The following IL1RAPL2 variants were observed in gnomAD, a reference collection of about 807,000 sequenced individuals.
IL1RAPL2 encodes the protein X-linked interleukin-1 receptor accessory protein-like 2.
Under a neutral mutation model 44.1 loss-of-function variants are expected in IL1RAPL2, and 3 were observed. That is an observed-to-expected ratio of 0.07 (90% CI 0.03 to 0.18). The LOEUF (loss-of-function observed/expected upper bound fraction) is 0.18, where lower values mean the gene tolerates loss of function less well. Among genes scored for constraint, IL1RAPL2 ranks in the 10% least tolerant of loss-of-function variants. The pLI is 1.00. For missense variants in IL1RAPL2, 391 were observed against 496.4 expected (o/e 0.79, Z 2.02); for synonymous variants, 181 against 178.8 (o/e 1.01, Z -0.10).
intron 6 of IL1RAPL2, among the ~76,000 whole-genome samples, chrX:105,502,593 G>A (rs747415285): frequency 4.5e-5 from 5 of 111,527 alleles, no homozygotes; most frequent in Non-Finnish European, 9.4e-5. Context: ...TTATTCAGCA[G>A]CCACATCACA....
chrX:105,243,515 C>T (rs1391775786), intron 4 of IL1RAPL2, among the ~76,000 whole-genome samples: 2 of 101,993 alleles, frequency 2.0e-5, no homozygotes, highest in Non-Finnish European at 3.9e-5. Context: ...AGCAGATATC[C>T]CTACAAATGG....
chrX:105,730,238 C>CT (rs1240541427), intron 7 of IL1RAPL2, among the ~76,000 whole-genome samples: 22 of 110,600 alleles, frequency 2.0e-4, no homozygotes, highest in Non-Finnish European at 3.8e-4. Flanking sequence ...ATAAAACAGA[C>CT]TTTAAGTCAA....
At chrX:105,469,612 G>A (rs765634279) in intron 5 of IL1RAPL2, among the ~76,000 whole-genome samples, 4 of 110,419 alleles carry the variant, frequency 3.6e-5, no homozygotes, top group Admixed American at 9.8e-5. Context: ...GAAGACTAGA[G>A]TCTTTGTAAT....
chrX:104,711,871 T>C (rs1166364892), intron 2 of IL1RAPL2, among the ~76,000 whole-genome samples: 2 of 110,666 alleles, frequency 1.8e-5, no homozygotes, highest in African/African-American at 6.5e-5. Flanking sequence ...AGTACTTCAC[T>C]GTGCAAAATA....
At position 105,426,200 on chromosome X, in the gene IL1RAPL2, G is replaced by A. The variant is rs767077949; in HGVS notation, c.698-58113G>A. Among the ~76,000 whole-genome samples, 4 of 110,038 alleles carry A rather than the reference G, an allele frequency of 3.6e-5. No individual in the cohort carries two copies. The South Asian group carries it at 1.5e-3, about 42-fold the overall frequency. The stretch of plus-strand genomic sequence containing the variant: ...TTGATTGAATGAATGAATGAATGGT[G>A]AGGCTCACTGAACAGACAGAACAAG... On this transcript the variant is annotated intron_variant, in intron 5 of 10. Transcript: ENST00000372582.
chrX:105,086,069 C>T (rs1386762924), intron 2 of IL1RAPL2, among the ~76,000 whole-genome samples: 1 of 110,989 alleles, frequency 9.0e-6, no homozygotes, highest in East Asian at 2.8e-4. Context: ...TATAAGTGAA[C>T]CTGCACAGTT....
intron 2 of IL1RAPL2, among the ~76,000 whole-genome samples, chrX:104,875,175 C>T (rs1922869761): frequency 9.0e-6 from 1 of 111,662 alleles, no homozygotes; most frequent in Non-Finnish European, 1.9e-5. Flanking sequence ...TGAAGCCTGC[C>T]CTGGCAATTC....
At chrX:104,825,467 A>G (rs777900014) in intron 2 of IL1RAPL2, among the ~76,000 whole-genome samples, 1 of 112,044 alleles carries the variant, frequency 8.9e-6, no homozygotes, top group Non-Finnish European at 1.9e-5. Flanking sequence ...ACAGCAAAAC[A>G]TGTCACTCAT....
intron 2 of IL1RAPL2, among the ~76,000 whole-genome samples, chrX:105,008,300 C>G (rs2030981222): frequency 9.0e-6 from 1 of 111,300 alleles, no homozygotes; most frequent in Non-Finnish European, 1.9e-5. Flanking sequence ...CTTCATGGCC[C>G]AGTCACCTCC....
intron 1 of IL1RAPL2, among the ~76,000 whole-genome samples, chrX:104,638,128 C>T (rs1039417849): frequency 1.4e-4 from 15 of 111,018 alleles, no homozygotes; most frequent in African/African-American, 4.6e-4. Context: ...CCATTTTCTC[C>T]AGGTTTTCCA....
chrX:105,645,319 C>T (rs910066379), intron 6 of IL1RAPL2, among the ~76,000 whole-genome samples: 2 of 111,592 alleles, frequency 1.8e-5, no homozygotes, highest in Non-Finnish European at 3.8e-5. Context: ...ATTTCCTTCT[C>T]CCAATACACT....
chrX:105,449,936 C>A (rs1352537724), intron 5 of IL1RAPL2, among the ~76,000 whole-genome samples: 1 of 111,708 alleles, frequency 9.0e-6, no homozygotes, highest in East Asian at 2.9e-4. Flanking sequence ...GATCTGAAGC[C>A]AGCAGAGCAC....
At chrX:104,668,350 AT>A (rs1381651936) in intron 2 of IL1RAPL2, among the ~76,000 whole-genome samples, 2 of 107,162 alleles carry the variant, frequency 1.9e-5, no homozygotes, top group Admixed American at 2.0e-4. Context: ...TTATACTTTA[AT>A]TTTTAGGGTA....
chrX:105,727,046 T>TA (rs2038358322), intron 7 of IL1RAPL2, among the ~76,000 whole-genome samples: 1 of 110,476 alleles, frequency 9.1e-6, no homozygotes, highest in African/African-American at 3.3e-5. Context: ...TTAATTTTTT[T>TA]AAACATACCT....
chrX:105,616,089 A>G (rs1008220069), intron 6 of IL1RAPL2, among the ~76,000 whole-genome samples: 1 of 112,445 alleles, frequency 8.9e-6, no homozygotes, highest in African/African-American at 3.2e-5. Flanking sequence ...AATGAAGTTG[A>G]TAACAGTACT....
chrX:105,262,836 C>T (rs1240254034), intron 4 of IL1RAPL2, among the ~76,000 whole-genome samples: 1 of 111,227 alleles, frequency 9.0e-6, no homozygotes, highest in East Asian at 2.8e-4. Context: ...AATCGTACTC[C>T]TAATTGTCTC....
chrX:105,572,798 A>G (rs1156903196), intron 6 of IL1RAPL2, among the ~76,000 whole-genome samples: 1 of 112,065 alleles, frequency 8.9e-6, no homozygotes, highest in African/African-American at 3.2e-5. Flanking sequence ...ATTATTTACT[A>G]TTTGGCCCTT....
chrX:104,922,804 A>G (rs1467717120), intron 2 of IL1RAPL2, among the ~76,000 whole-genome samples: 1 of 112,070 alleles, frequency 8.9e-6, no homozygotes, highest in East Asian at 2.8e-4. Context: ...CTAGCAATGG[A>G]TCCTAACCAA....
intron 1 of IL1RAPL2, among the ~76,000 whole-genome samples, chrX:104,582,179 G>A (rs1338956405): frequency 8.9e-6 from 1 of 112,124 alleles, no homozygotes; most frequent in African/African-American, 3.2e-5. Flanking sequence ...TACAAAAACA[G>A]GCAAGGCCAA....
Sources: allele counts gnomAD v4.1 joint callset (sites outside exome capture counted in the v4.1 genomes callset), GRCh38; gene constraint gnomAD v4.1.1; transcripts MANE v1.5; gene names NCBI Gene and HGNC (gene_info 2026-07-23, HGNC 2026-07-21).